HTT: variants seen among roughly 807,000 people sequenced by gnomAD.
HTT encodes huntington disease protein.
HTT carries 104 observed loss-of-function variants against 362.3 expected under a neutral mutation model. That is an observed-to-expected ratio of 0.29 (90% CI 0.24 to 0.34). HTT has a LOEUF of 0.34. HTT is among the 10% of genes least tolerant of loss of function. The pLI, the probability that HTT is intolerant of heterozygous loss-of-function variation, is 1.00. For synonymous variants in HTT, 1,577 were observed against 1,548.7 expected, an observed-to-expected ratio of 1.02 and a Z score of -0.43; for missense variants, 3,301 against 3,928.6, an observed-to-expected ratio of 0.84 and a Z score of 4.27.
chr4:3,155,260 C>A (rs1437470776), intron 27 of HTT, among the ~76,000 whole-genome samples: 1 of 151,698 alleles, frequency 6.6e-6, no homozygotes, highest in South Asian at 2.1e-4. Context: ...CTCACTCTGT[C>A]ACCCAGGCTG....
chr4:3,189,643 G>A (rs1356551235), intron 40 of HTT, among the ~76,000 whole-genome samples: 1 of 152,242 alleles, frequency 6.6e-6, no homozygotes, highest in African/African-American at 2.4e-5. Flanking sequence ...ATTTTTACAA[G>A]ATGAAGAGAG....
chr4:3,238,708 C>T, intron 65 of HTT, 99 bp downstream of exon 65: 11 of 1,460,990 alleles, frequency 7.5e-6, no homozygotes, highest in Non-Finnish European at 1.0e-5. Context: ...AGCTCCTCCG[C>T]TTTAAAGCAG....
At chr4:3,137,635 G>C (rs1716131461) in intron 21 of HTT, among the ~76,000 whole-genome samples, 1 of 152,208 alleles carries the variant, frequency 6.6e-6, no homozygotes. Flanking sequence ...GGAGGCGGAG[G>C]TTGCAGTGAG....
intron 1 of HTT, among the ~76,000 whole-genome samples, chr4:3,082,936 G>C (rs1712995533): frequency 1.3e-5 from 2 of 152,142 alleles, no homozygotes; most frequent in Admixed American, 6.5e-5. Context: ...TGAGGGGAGA[G>C]ACAATGTGCA....
intron 2 of HTT, among the ~76,000 whole-genome samples, chr4:3,095,943 A>T (rs538262600): frequency 6.6e-6 from 1 of 152,250 alleles, no homozygotes; most frequent in Non-Finnish European, 1.5e-5. Context: ...TTCAGATTGA[A>T]TGGAAAAGTA....
intron 8 of HTT, among the ~76,000 whole-genome samples, chr4:3,117,923 C>A (rs999677850): frequency 6.6e-5 from 10 of 152,212 alleles, no homozygotes; most frequent in Admixed American, 2.0e-4. Flanking sequence ...TACCCACCAA[C>A]TCATTATCAA....
chr4:3,096,526 C>T (rs1325181514), intron 2 of HTT, among the ~76,000 whole-genome samples: 1 of 152,102 alleles, frequency 6.6e-6, no homozygotes, highest in East Asian at 1.9e-4. Context: ...GTTTTCTGAC[C>T]TCAGTATCAT....
At chr4:3,226,064 A>G (rs1720895903) in intron 57 of HTT, among the ~76,000 whole-genome samples, 1 of 152,250 alleles carries the variant, frequency 6.6e-6, no homozygotes, top group South Asian at 2.1e-4. Context: ...AGACACAAAA[A>G]GGGGGGTGAG....
At chr4:3,214,752 A>G (rs1720317204) in intron 50 of HTT, among the ~76,000 whole-genome samples, 1 of 152,256 alleles carries the variant, frequency 6.6e-6, no homozygotes, top group Admixed American at 6.5e-5. Context: ...CTTGAAAACA[A>G]AGATCCAGGG....
intron 53 of HTT, 64 bp downstream of exon 53, chr4:3,220,372 C>T: frequency 1.3e-6 from 2 of 1,520,530 alleles, no homozygotes; most frequent in South Asian, 2.3e-5. Flanking sequence ...AAATCCAGAG[C>T]CCCCAGTACT....
rs923746065 is a variant in HTT, at chr4:3,241,909, A to G, written c.*1850A>G. ...GGGTCCGATGTTTGAGGAGGCCCTT[A>G]AGGGAAGCTACTGAATTATAACACG... On this transcript the variant is annotated 3_prime_UTR_variant, in exon 67 of 67. Transcript: ENST00000355072. 1.3e-5 allele frequency: 2 copies of G among 150,534 alleles called. No individual in the cohort carries two copies. Among genetic ancestry groups the G allele is most frequent in the African/African-American group, 4.9e-5 (2 of 40,766 alleles). 9.3% of individuals were successfully genotyped at this position (150,534 alleles called of 1,614,324 possible). A position where few individuals can be genotyped will look rare whatever the true frequency, so the allele number is the denominator to read the frequency against.
chr4:3,217,335 G>A (rs565810316), intron 51 of HTT, among the ~76,000 whole-genome samples: 1 of 152,302 alleles, frequency 6.6e-6, no homozygotes, highest in Admixed American at 6.5e-5. Context: ...ACCTAGGAAA[G>A]CCAGTGAAGC....
At chr4:3,203,712 T>C (rs1719701621) in intron 41 of HTT, among the ~76,000 whole-genome samples, 1 of 152,252 alleles carries the variant, frequency 6.6e-6, no homozygotes, top group African/African-American at 2.4e-5. Flanking sequence ...GTGTGAGTTC[T>C]GAAATAAAGG....
intron 59 of HTT, 77 bp downstream of exon 59, chr4:3,229,086 C>G: frequency 7.1e-7 from 1 of 1,401,230 alleles, no homozygotes; most frequent in Admixed American, 1.9e-5. Flanking sequence ...CACACACACA[C>G]ACCGCCCACA....
At position 3,236,235 on chromosome 4, in the gene HTT, G is replaced by T; in HGVS notation, c.8872G>T (p.Val2958Leu). ...SESVIVAMER[V>L]SVLFDRIRKG... ...GTCAGTGATTGTTGCTATGGAGCGG[G>T]TATCTGTTCTTTTTGATAGGTAAGA... Residue 2958 changes from valine to leucine, a missense_variant, in exon 64 of 67, where the codon GTA becomes TTA. This residue lies in a region of HTT where 753 missense variants were observed against 1,021.3 expected (regional missense o/e 0.74). Coordinates refer to ENST00000355072, the MANE Select transcript of HTT (RefSeq NM_001388492.1). 1 of 1,613,424 alleles carries T rather than the reference G, an allele frequency of 6.2e-7. No individual in the cohort carries two copies. Among genetic ancestry groups the T allele is most frequent in the Non-Finnish European group, 8.5e-7 (1 of 1,179,286 alleles).
rs1560612709 is a variant in HTT, at chr4:3,243,879, A to G, written c.*3820A>G. The G allele has an allele frequency of 6.6e-6, 1 of 152,258 alleles. No homozygotes were observed. The highest frequency in any genetic ancestry group is 1.5e-5 in the Non-Finnish European group (1 of 68,038). The allele number at this position is 152,258 out of a possible 1,614,324, so 9.4% of individuals were successfully genotyped here. The stretch of plus-strand genomic sequence containing the variant: ...AATGCTTCTGAGAGCAAAGGGAAGG[A>G]CTGACGAGAGATGTATATTTAATTT... On this transcript the variant is annotated 3_prime_UTR_variant, in exon 67 of 67. Transcript: ENST00000355072.
At chr4:3,078,413 A>G (rs563028535) in intron 1 of HTT, among the ~76,000 whole-genome samples, 2 of 152,360 alleles carry the variant, frequency 1.3e-5, no homozygotes, top group Admixed American at 1.3e-4. Context: ...ACTTCAAAGC[A>G]GGGAAGGGGA....
intron 22 of HTT, among the ~76,000 whole-genome samples, chr4:3,141,786 A>G (rs1716359612): frequency 6.6e-6 from 1 of 152,148 alleles, no homozygotes; most frequent in South Asian, 2.1e-4. Context: ...CACACAAACA[A>G]AAAAAACATG....
At chr4:3,235,009 T>C (rs1030528828) in intron 61 of HTT, among the ~76,000 whole-genome samples, 1 of 151,674 alleles carries the variant, frequency 6.6e-6, no homozygotes, top group Admixed American at 6.6e-5. Flanking sequence ...AAGTGTGTGG[T>C]GGCCAGCATG....
Sources: allele counts gnomAD v4.1 joint callset (sites outside exome capture counted in the v4.1 genomes callset), GRCh38; gene constraint gnomAD v4.1.1; regional missense constraint gnomAD v4.1.1; transcripts MANE v1.5; gene names NCBI Gene and HGNC (gene_info 2026-07-23, HGNC 2026-07-21).